The following ABHD1 variants were observed in gnomAD, a reference collection of about 807,000 sequenced individuals.
The protein encoded by ABHD1 is protein ABHD1.
Under a neutral mutation model 41.4 loss-of-function variants are expected in ABHD1, and 47 were observed. The observed-to-expected ratio is 1.13, with a 90% CI of 0.90 to 1.45. The LOEUF (loss-of-function observed/expected upper bound fraction) is 1.45, where lower values mean the gene tolerates loss of function less well. Among genes scored for constraint, ABHD1 ranks in the 40% most tolerant of loss-of-function variants. The probability of loss-of-function intolerance (pLI) is 0.00; values close to 1 mark genes in which losing one functional copy is unlikely to be tolerated. For synonymous variants in ABHD1, 205 were observed against 203.7 expected, an observed-to-expected ratio of 1.01 and a Z score of -0.05; for missense variants, 550 against 503.4, an observed-to-expected ratio of 1.09 and a Z score of -0.89.
intron 1 of ABHD1, chr2:27,124,322 G>T: frequency 1.7e-6 from 1 of 575,748 alleles, no homozygotes; most frequent in Non-Finnish European, 3.3e-6. Context: ...TGGGGTGGAA[G>T]GCATCCTGAG....
At chr2:27,128,222 C>A (rs1325991147) in intron 1 of ABHD1, among the ~76,000 whole-genome samples, 1 of 152,176 alleles carries the variant, frequency 6.6e-6, no homozygotes, top group Non-Finnish European at 1.5e-5. Flanking sequence ...CAATTCTGGG[C>A]AGTGACACTC....
intron 1 of ABHD1, among the ~76,000 whole-genome samples, chr2:27,127,471 G>A (rs1475050575): frequency 8.1e-5 from 11 of 136,282 alleles, no homozygotes; most frequent in Non-Finnish European, 1.6e-4. Context: ...GGAGAATGGC[G>A]TGAACCCGGG....
chr2:27,129,880 G>A lies in ABHD1; in HGVS notation c.744G>A (p.Leu248=), dbSNP rs1174795994. 3 of 1,614,066 alleles carry A rather than the reference G, an allele frequency of 1.9e-6. No individual in the cohort carries two copies. The highest frequency in any genetic ancestry group is 1.7e-6 in the Non-Finnish European group (2 of 1,180,030). Residue 248 remains leucine, a synonymous_variant, in exon 6 of 9, where the codon CTG becomes CTA. Transcript: ENST00000316470. ...TRSLETPLNS[L]LFNQPLTAGL... ...CCCTGGAAACCCCACTCAACTCACT[G>A]CTCTTCAATCAGCCCCTCACTGCTG...
chr2:27,130,406 C>T lies in ABHD1; in HGVS notation c.996C>T (p.Ser332=), dbSNP rs1273988358. The part of the protein sequence containing the change: ...LYLSAADDPF[S]PVCALPIQAA... ...TCAGTGCAGCAGATGACCCCTTCTC[C>T]CCCGTCTGTGGTGAGTACTCTGATT... is the stretch of plus-strand genomic sequence containing the variant. Residue 332 remains serine, a synonymous_variant, in exon 8 of 9, where the codon TCC becomes TCT. Transcript: ENST00000316470. 6.2e-7 allele frequency: 1 copy of T among 1,614,052 alleles called. No individual in the cohort carries two copies. Among genetic ancestry groups the T allele is most frequent in the African/African-American group, 1.3e-5 (1 of 74,924 alleles).
rs1250465972 is a variant in ABHD1 at position 27,130,151 on chromosome 2, C to G, written c.838C>G (p.Gln280Glu). ...EKVVDIDFVL[Q>E]ARTIRQFDER... ...GGTGGTGGACATAGACTTTGTACTA[C>G]AGGTATAATATTCAGCCATGCCCCT... Residue 280 changes from glutamine to glutamate, a missense_variant and splice_region_variant, in exon 7 of 9, where the codon CAG becomes GAG. Transcript: ENST00000316470. 6.2e-7 allele frequency: 1 copy of G among 1,614,168 alleles called. No homozygotes were observed. The highest frequency in any genetic ancestry group is 1.7e-5 in the Admixed American group (1 of 60,012).
rs1320303087 is a variant in ABHD1, at chr2:27,129,762, T to C, written c.626T>C (p.Val209Ala). Residue 209 changes from valine to alanine, a missense_variant, in exon 6 of 9, where the codon GTG becomes GCG. Val to Ala is a moderately conservative substitution (Grantham distance 64). Transcript: ENST00000316470. ...AVGISFGGIL[V>A]LNHLAQARQA... ...CTTGTCCAATTCCACAGGATACTGG[T>C]GCTGAATCACCTGGCACAGGCCAGG... The C allele has an allele frequency of 6.2e-7, 1 of 1,614,096 alleles. No individual in the cohort carries two copies. Among genetic ancestry groups the C allele is most frequent in the South Asian group, 1.1e-5 (1 of 91,086 alleles).
At position 27,130,238 on chromosome 2, in the gene ABHD1, G is replaced by T. The variant is rs777763695; in HGVS notation, c.841-13G>T. The T allele has an allele frequency of 5.0e-6, 8 of 1,614,070 alleles. No individual in the cohort carries two copies. In the Admixed American group the frequency reaches 1.2e-4, roughly 24 times the overall value. ...CTTTATCATCTTAGCCTATCCTATG[G>T]TAAGACCTGCAGGCCCGTACAATCC... On this transcript the variant is annotated splice_polypyrimidine_tract_variant and intron_variant, in intron 7 of 8. Coordinates refer to ENST00000316470, the MANE Select transcript of ABHD1 (RefSeq NM_032604.4).
Position 27,130,263 on chromosome 2 carries a change from C to T in ABHD1, c.853C>T (p.Arg285Cys), listed in dbSNP as rs368049308. 2.1e-5 allele frequency: 34 copies of T among 1,614,010 alleles called. No homozygotes were observed. The highest frequency in any genetic ancestry group is 4.4e-5 in the South Asian group (4 of 91,092). ...IDFVLQARTI[R>C]QFDERYTSVA... ...GTAAGACCTGCAGGCCCGTACAATC[C>T]GCCAGTTTGATGAGCGCTACACATC... Residue 285 changes from arginine (R) to cysteine (C), a missense_variant, in exon 8 of 9, where the codon CGC becomes TGC. By Grantham distance (180) the Arg-to-Cys change is radical (BLOSUM62 -3). Coordinates refer to ENST00000316470, the MANE Select transcript of ABHD1 (RefSeq NM_032604.4).
chr2:27,129,095 C>G lies in ABHD1; in HGVS notation c.426C>G (p.His142Gln), dbSNP rs749187641. The G allele has an allele frequency of 6.2e-7, 1 of 1,613,640 alleles. No homozygotes were observed. The change falls in exon 3 of 9, where the codon CAC becomes CAG. Residue 142 changes from histidine (H) to glutamine (Q), a missense_variant. Transcript: ENST00000316470. ...TGSSQETYVLHLVNQALRDGY... is the reference protein window; with the variant it reads ...TGSSQETYVLQLVNQALRDGY... ...GTAGCCAGGAGACATACGTCTTGCACCTAGTTAACCAAGCTCTGAGGGATG... is the reference window on the plus strand; with the variant it reads ...GTAGCCAGGAGACATACGTCTTGCAGCTAGTTAACCAAGCTCTGAGGGATG...
rs780926575 is a variant in ABHD1 at position 27,129,624 on chromosome 2, A to C, written c.615A>C (p.Gly205=). Residue 205 remains glycine (G), a splice_region_variant and synonymous_variant, in exon 5 of 9, where the codon GGA becomes GGC. Coordinates refer to ENST00000316470, the MANE Select transcript of ABHD1 (RefSeq NM_032604.4). ...TGCTGGCCGTGGGCATCTCTTTTGG[A>C]GGGTAAAGATTGCCTGGGCTTAGCC... is the stretch of plus-strand genomic sequence containing the variant. ...APLLAVGISF[G]GILVLNHLAQ... is the part of the protein sequence containing the mutation. The C allele has an allele frequency of 1.8e-5, 29 of 1,612,494 alleles. No individual in the cohort carries two copies. The highest frequency in any genetic ancestry group is 2.4e-5 in the Non-Finnish European group (28 of 1,179,994).
intron 3 of ABHD1, 86 bp from the exon 4 acceptor site, chr2:27,129,230 A>G: frequency 6.3e-7 from 1 of 1,599,462 alleles, no homozygotes; most frequent in South Asian, 1.1e-5. Flanking sequence ...ACACAAAGGG[A>G]GTCTTTGGAC....
intron 1 of ABHD1, chr2:27,126,970 G>C (rs1052846559): frequency 2.0e-5 from 3 of 148,392 alleles, no homozygotes; most frequent in African/African-American, 7.4e-5. Context: ...AAATTAGCCA[G>C]GTGTGGTGGC....
Position 27,123,904 on chromosome 2 carries a change from C to A in ABHD1, c.-45C>A, listed in dbSNP as rs200272895. 40 of 1,567,720 alleles carry A rather than the reference C, an allele frequency of 2.6e-5. No homozygotes were observed. The highest frequency in any genetic ancestry group is 3.8e-4 in the Middle Eastern group (2 of 5,294). ...GGGACCGCGAGTTACAGCCGGCCAACTGGGGCCAGCCAGGAGCCTGAGGGT... is the reference window on the plus strand; with the variant it reads ...GGGACCGCGAGTTACAGCCGGCCAAATGGGGCCAGCCAGGAGCCTGAGGGT... On this transcript the variant is annotated 5_prime_UTR_variant, in exon 1 of 9. It adds an upstream start codon to the 5' untranslated region. Coordinates refer to ENST00000316470, the MANE Select transcript of ABHD1 (RefSeq NM_032604.4).
At chr2:27,127,250 T>A (rs1572917406) in intron 1 of ABHD1, among the ~76,000 whole-genome samples, 1 of 145,460 alleles carries the variant, frequency 6.9e-6, no homozygotes, top group African/African-American at 2.5e-5. Flanking sequence ...TTTTTTTTTT[T>A]TTTTTTTTTT....
chr2:27,129,149 G>C (rs776904124), intron 3 of ABHD1, 22 bp downstream of exon 3: 2 of 1,606,876 alleles, frequency 1.2e-6, no homozygotes, highest in Non-Finnish European at 1.7e-6. Context: ...TGCAGCCCCA[G>C]AGTGGGGTGG....
chr2:27,124,055 T>C lies in ABHD1; in HGVS notation c.107T>C (p.Val36Ala), dbSNP rs780031793. 125 of 1,613,994 alleles carry C rather than the reference T, an allele frequency of 7.7e-5. No homozygotes were observed. The highest frequency in any genetic ancestry group is 1.6e-4 in the Middle Eastern group (1 of 6,084). Residue 36 changes from valine (V) to alanine (A), a missense_variant, in exon 1 of 9, where the codon GTG (valine) becomes GCG (alanine). Val to Ala is a moderately conservative substitution (Grantham distance 64). Transcript: ENST00000316470. ...ALYLGYYWAC[V>A]LQRPRLVAGP... ...TACTTGGGCTACTACTGGGCATGTG[T>C]GCTTCAGGTGGGTGCGGGTCCACCG...
Position 27,128,560 on chromosome 2 carries a change from C to T in ABHD1, c.234C>T (p.Phe78=), listed in dbSNP as rs775017511. The change falls in exon 2 of 9, where the codon TTC becomes TTT. Residue 78 remains phenylalanine (F), a synonymous_variant. Coordinates refer to ENST00000316470, the MANE Select transcript of ABHD1 (RefSeq NM_032604.4). The stretch of plus-strand genomic sequence containing the variant: ...TTGAGGGGCGACTACAAAGCATCTT[C>T]CAAGTCCTCCTGCAGTCTCAGCCCC... The part of the protein sequence containing the change: ...WCFEGRLQSI[F]QVLLQSQPLV... 9 of 1,614,086 alleles carry T rather than the reference C, an allele frequency of 5.6e-6. No individual in the cohort carries two copies. The highest frequency in any genetic ancestry group is 7.6e-6 in the Non-Finnish European group (9 of 1,180,024).
At chr2:27,130,004 C>T in intron 6 of ABHD1, 77 bp downstream of exon 6, 1 of 1,609,482 alleles carries the variant, frequency 6.2e-7, no homozygotes, top group Non-Finnish European at 8.5e-7. Flanking sequence ...AGTGCTTGGT[C>T]AGTTCTCTCT....
rs747729282 is a variant in ABHD1, at chr2:27,129,086, C to T, written c.417C>T (p.Tyr139=). ...PGITGSSQET[Y]VLHLVNQALR... is the part of the protein sequence containing the mutation. ...TCACTGGCAGTAGCCAGGAGACATA[C>T]GTCTTGCACCTAGTTAACCAAGCTC... The change falls in exon 3 of 9, where the codon TAC becomes TAT. Residue 139 remains tyrosine, a synonymous_variant. Coordinates refer to ENST00000316470, the MANE Select transcript of ABHD1 (RefSeq NM_032604.4). The T allele has an allele frequency of 6.2e-6, 10 of 1,613,704 alleles. No homozygotes were observed. Among genetic ancestry groups the T allele is most frequent in the Admixed American group, 5.0e-5 (3 of 60,000 alleles).
Sources: allele counts gnomAD v4.1 joint callset (sites outside exome capture counted in the v4.1 genomes callset), GRCh38; gene constraint gnomAD v4.1.1; transcripts MANE v1.5; gene names NCBI Gene and HGNC (gene_info 2026-07-23, HGNC 2026-07-21).